The following SGCA variants were observed in gnomAD, a reference collection of about 807,000 sequenced individuals.
SGCA encodes the protein sarcoglycan alpha.
Under a neutral mutation model 38.1 loss-of-function variants are expected in SGCA, and 34 were observed. The ratio of observed to expected loss-of-function variants is 0.89; its 90% CI spans 0.68 to 1.19. The LOEUF is 1.19. Among genes scored for constraint, SGCA ranks in the 50% most tolerant of loss-of-function variants. SGCA has a pLI of 0.00. For synonymous variants in SGCA, 209 were observed against 214.6 expected (o/e 0.97, Z 0.23); for missense variants, 476 against 524.9 (o/e 0.91, Z 0.91).
rs1325569198 is a variant in SGCA, at chr17:50,166,017, C to CCGGG, written c.-18_-15dup. 1 of 1,609,728 alleles carries CCGGG rather than the reference C, an allele frequency of 6.2e-7. No homozygotes were observed. The highest frequency in any genetic ancestry group is 8.5e-7 in the Non-Finnish European group (1 of 1,176,350). On this transcript the variant is annotated 5_prime_UTR_variant, in exon 1 of 10. Coordinates refer to ENST00000262018, the MANE Select transcript of SGCA (RefSeq NM_000023.4). ...CCCTGCCCCCTGTCTCTGTCACTCA[C>CCGGG]CGGGCGGGCCAGGCCGGGCAGCCAT... is the stretch of plus-strand genomic sequence containing the variant.
Position 50,167,815 on chromosome 17 carries a change from G to A in SGCA, c.312+79G>A. 1 of 1,571,252 alleles carries A rather than the reference G, an allele frequency of 6.4e-7. No individual in the cohort carries two copies. The highest frequency in any genetic ancestry group is 8.8e-7 in the Non-Finnish European group (1 of 1,141,944). On this transcript the variant is annotated intron_variant, in intron 3 of 9. Transcript: ENST00000262018. This position sits in a 1 kb window ranked among gnomAD's most constrained non-coding sequence, Gnocchi z 4.5. ...GGAGCAGCCCTATGAATTGGGATTGGGTGCTCATTCACAGTCATTTACATA... is the reference window on the plus strand; with the variant it reads ...GGAGCAGCCCTATGAATTGGGATTGAGTGCTCATTCACAGTCATTTACATA...
At chr17:50,172,301 G>A in intron 8 of SGCA, 1 of 456,122 alleles carries the variant, frequency 2.2e-6, no homozygotes. Flanking sequence ...AGAATTCTGT[G>A]TGGGTCACAG....
intron 6 of SGCA, chr17:50,169,465 C>T (rs915134645): frequency 7.2e-6 from 4 of 553,968 alleles, no homozygotes; most frequent in South Asian, 2.4e-5. Context: ...TTCTACCTTT[C>T]CCCCACAAGA....
intron 8 of SGCA, 197 bp from the exon 9 acceptor site, chr17:50,175,060 G>A (rs1905812214): frequency 1.5e-6 from 1 of 645,530 alleles, no homozygotes; most frequent in Non-Finnish European, 2.8e-6. Context: ...GCCTCCCAAA[G>A]TGCTGGGATT....
At position 50,168,451 on chromosome 17, in the gene SGCA, AG is replaced by A. The variant is rs1555568775; in HGVS notation, c.464del (p.Ser155ThrfsTer56). Reference protein sequence around the residue: ...AEEVLPSTPASRFLSALGGLW... With the variant: ...AEEVLPSTPAXRFLSALGGLW... ...GGAGGTGCTGCCCTCAACACCTGCC[AG>A]CCGCTTCCTCTCAGCCTTGGGGGGA... On this transcript the variant is annotated frameshift_variant, in exon 5 of 10. Coordinates refer to ENST00000262018, the MANE Select transcript of SGCA (RefSeq NM_000023.4). LOFTEE classifies it high-confidence loss of function. 1 of 1,588,072 alleles carries A rather than the reference AG, an allele frequency of 6.3e-7. No individual in the cohort carries two copies. Among genetic ancestry groups the A allele is most frequent in the Non-Finnish European group, 8.6e-7 (1 of 1,166,986 alleles).
rs1033042278 is a variant in SGCA, at chr17:50,173,460, C to A, written c.984-1797C>A. ...GAATGCCTGCCGTTTGTCTGTCTGCCCAAGTGCTGATGTGGAAGGACCGTG... is the reference window on the plus strand; with the variant it reads ...GAATGCCTGCCGTTTGTCTGTCTGCACAAGTGCTGATGTGGAAGGACCGTG... On this transcript the variant is annotated intron_variant, in intron 8 of 9. Coordinates refer to ENST00000262018, the MANE Select transcript of SGCA (RefSeq NM_000023.4). Among the ~76,000 whole-genome samples, 5 of 149,696 alleles carry A rather than the reference C, an allele frequency of 3.3e-5. No homozygotes were observed. In the East Asian group the frequency reaches 9.9e-4, roughly 30 times the overall value.
At chr17:50,166,939 A>G (rs1215043713) in intron 1 of SGCA, among the ~76,000 whole-genome samples, 2 of 75,168 alleles carry the variant, frequency 2.7e-5, no homozygotes, top group Non-Finnish European at 2.5e-5. Flanking sequence ...ACACACACAC[A>G]CCCTCACACA....
intron 6 of SGCA, 160 bp downstream of exon 6, chr17:50,169,414 TACACACACACAC>T (rs3138607): frequency 3.1e-5 from 15 of 481,470 alleles, no homozygotes; most frequent in Non-Finnish European, 3.7e-5. Context: ...AGTCTGAGGA[TACACACACACAC>T]ACACACACAC....
intron 1 of SGCA, among the ~76,000 whole-genome samples, chr17:50,166,672 A>T (rs573657824): frequency 3.8e-4 from 55 of 144,210 alleles, no homozygotes; most frequent in African/African-American, 1.3e-3. Context: ...TCACACACAC[A>T]CACACCCACA....
intron 6 of SGCA, 25 bp downstream of exon 6, chr17:50,169,279 G>C: frequency 6.3e-7 from 1 of 1,595,416 alleles, no homozygotes; most frequent in Non-Finnish European, 8.6e-7. Flanking sequence ...TGGGTCCGGG[G>C]GTGGGGTGGG....
intron 8 of SGCA, among the ~76,000 whole-genome samples, chr17:50,172,693 T>G (rs1905555150): frequency 6.6e-6 from 1 of 152,108 alleles, no homozygotes; most frequent in Admixed American, 6.6e-5. Context: ...ACCCACTGGG[T>G]TTTTGAGCCA....
chr17:50,169,804 C>A (rs894659233), intron 6 of SGCA: 2 of 440,474 alleles, frequency 4.5e-6, no homozygotes, highest in Non-Finnish European at 8.5e-6. Context: ...CAGCCAGCGA[C>A]TGGTAATTGA....
Position 50,168,440 on chromosome 17 carries a change from C to T in SGCA, c.452C>T (p.Ser151Leu). 6.3e-7 allele frequency: 1 copy of T among 1,589,340 alleles called. No individual in the cohort carries two copies. The highest frequency in any genetic ancestry group is 8.6e-7 in the Non-Finnish European group (1 of 1,167,910). Residue 151 changes from serine (S) to leucine (L), a missense_variant, in exon 5 of 10, where the codon TCA becomes TTA. By Grantham distance (145) the Ser-to-Leu change is moderately radical (BLOSUM62 -2). Transcript: ENST00000262018. ...RSHDAEEVLP[S>L]TPASRFLSAL... ...CACGATGCGGAGGAGGTGCTGCCCT[C>T]AACACCTGCCAGCCGCTTCCTCTCA...
At chr17:50,166,773 TCA>T (rs1176988361) in intron 1 of SGCA, among the ~76,000 whole-genome samples, 1 of 35,480 alleles carries the variant, frequency 2.8e-5, no homozygotes, top group Non-Finnish European at 4.8e-5. Context: ...ACACACACCC[TCA>T]CACACCCTCA....
intron 1 of SGCA, 89 bp downstream of exon 1, chr17:50,166,166 A>G (rs1211395845): frequency 8.8e-7 from 1 of 1,142,428 alleles, no homozygotes; most frequent in South Asian, 1.2e-5. Flanking sequence ...GGCCCACAGA[A>G]GAGGGATCTG....
At chr17:50,168,945 C>T (rs1567741031) in intron 5 of SGCA, 147 bp from the exon 6 acceptor site, 1 of 750,136 alleles carries the variant, frequency 1.3e-6, no homozygotes, top group Non-Finnish European at 2.3e-6. Flanking sequence ...TGCCATGTTC[C>T]TCCCTTAATC....
rs184348662 is a variant in SGCA at position 50,171,635 on chromosome 17, G to A, written c.983+969G>A. The A allele has an allele frequency of 6.6e-5, 30 of 456,876 alleles. No individual in the cohort carries two copies. The East Asian group carries it at 1.9e-3, about 30-fold the overall frequency. 28.3% of individuals were successfully genotyped at this position (456,876 alleles called of 1,614,324 possible). On this transcript the variant is annotated intron_variant, in intron 8 of 9. Transcript: ENST00000262018. ...CGCTGCCCAGAGCGCCACCTCTGCT[G>A]TCGTTGCCTCTTGACCTTGAGCTTG... is the stretch of plus-strand genomic sequence containing the variant.
In SGCA at chr17:50,169,320, C is replaced by T. The variant is rs768186538; in HGVS notation, c.747+66C>T. ...GCCCCCATCCCAGTCCCCCTTCCCTCCCATGCTGCTTCCTATCTCCGTCTC... is the reference window on the plus strand; with the variant it reads ...GCCCCCATCCCAGTCCCCCTTCCCTTCCATGCTGCTTCCTATCTCCGTCTC... On this transcript the variant is annotated intron_variant, in intron 6 of 9. Coordinates refer to ENST00000262018, the MANE Select transcript of SGCA (RefSeq NM_000023.4). 5 of 1,382,606 alleles carry T rather than the reference C, an allele frequency of 3.6e-6. No individual in the cohort carries two copies. The South Asian group carries it at 6.4e-5, about 18-fold the overall frequency. 85.6% of individuals were successfully genotyped at this position (1,382,606 alleles called of 1,614,324 possible). A position where few individuals can be genotyped will look rare whatever the true frequency, so the allele number is the denominator to read the frequency against.
At chr17:50,168,679 C>A in intron 5 of SGCA, 107 bp downstream of exon 5, 1 of 962,444 alleles carries the variant, frequency 1.0e-6, no homozygotes, top group Non-Finnish European at 1.6e-6. Flanking sequence ...CCACGCACAT[C>A]TCCACCTCCC....
Sources: gnomAD v4.1 joint callset for allele counts (sites outside exome capture counted in the v4.1 genomes callset) on GRCh38, gnomAD v4.1.1 for gene constraint, Gnocchi (gnomAD v3.1) non-coding constraint, MANE v1.5 for transcripts, NCBI Gene and HGNC (gene_info 2026-07-23, HGNC 2026-07-21) for gene names.